The following ARFGEF2 variants were observed in gnomAD, a reference collection of about 807,000 sequenced individuals.
The protein encoded by ARFGEF2 is ARF guanine nucleotide exchange factor 2, also known as brefeldin A-inhibited guanine nucleotide-exchange protein 2.
Under a neutral mutation model 219.9 loss-of-function variants are expected in ARFGEF2, and 74 were observed. The ratio of observed to expected loss-of-function variants is 0.34; its 90% CI spans 0.28 to 0.41. The LOEUF (loss-of-function observed/expected upper bound fraction) is 0.41. Ranked by LOEUF, ARFGEF2 falls within the 10% of genes least tolerant of loss-of-function variation. The pLI is 1.00. For synonymous variants in ARFGEF2, 733 were observed against 799.2 expected (o/e 0.92, Z 1.40); for missense variants, 1,743 against 2,218.3 (o/e 0.79, Z 4.30).
chr20:48,975,761 A>G (rs1324209633), intron 13 of ARFGEF2, among the ~76,000 whole-genome samples: 2 of 143,046 alleles, frequency 1.4e-5, no homozygotes, highest in African/African-American at 5.4e-5. Context: ...AGATCGTGCC[A>G]CTGCACTCCA....
chr20:48,977,928 G>A (rs1298783457), intron 14 of ARFGEF2, among the ~76,000 whole-genome samples: 2 of 152,096 alleles, frequency 1.3e-5, no homozygotes, highest in South Asian at 2.1e-4. Flanking sequence ...TCTGTAGGTT[G>A]CCTGTTCACT....
Position 49,017,237 on chromosome 20 carries a change from T to C in ARFGEF2, c.4316-12T>C, listed in dbSNP as rs573635235. The C allele has an allele frequency of 1.9e-5, 30 of 1,613,718 alleles. 1 individual carries two copies. In the East Asian group the frequency reaches 6.0e-4, roughly 32 times the overall value. On this transcript the variant is annotated splice_polypyrimidine_tract_variant and intron_variant, in intron 31 of 38. Transcript: ENST00000371917. Reference sequence around the variant, plus strand: ...GTAGAAGTTTAATGATAGATACTGCTTTATTTTACAGATAATGAACAGTTG... The same window carrying C: ...GTAGAAGTTTAATGATAGATACTGCCTTATTTTACAGATAATGAACAGTTG...
At chr20:48,996,845 C>T (rs1036208190) in intron 23 of ARFGEF2, among the ~76,000 whole-genome samples, 5 of 146,612 alleles carry the variant, frequency 3.4e-5, no homozygotes, top group Non-Finnish European at 6.0e-5. Context: ...TTTCTCTTTA[C>T]TCAAAACTTG....
At chr20:48,929,701 G>A (rs2090901605) in intron 1 of ARFGEF2, among the ~76,000 whole-genome samples, 1 of 152,214 alleles carries the variant, frequency 6.6e-6, no homozygotes, top group South Asian at 2.1e-4. Context: ...GGGGCAGGAG[G>A]CATTTCAGCA....
chr20:48,944,407 C>T (rs1044310464), intron 3 of ARFGEF2, among the ~76,000 whole-genome samples: 6 of 152,110 alleles, frequency 3.9e-5, no homozygotes, highest in African/African-American at 1.2e-4. Flanking sequence ...GTAGTCCCCT[C>T]GACAGCCCTC....
chr20:48,998,500 A>G lies in ARFGEF2; in HGVS notation c.3427A>G (p.Asn1143Asp), dbSNP rs1280871412. ...ATGGCATGTGATTGGAGATCACTTC[A>G]ATAAGGTAACTCTTCAAATTTAAAA... is the stretch of plus-strand genomic sequence containing the variant. ...RIWHVIGDHF[N>D]KVGCNPNEDV... The change falls in exon 25 of 39, where the codon AAT becomes GAT. Residue 1143 changes from asparagine to aspartate, a missense_variant. By Grantham distance (23) the Asn-to-Asp change is conservative. Around this residue, in one of 5 missense-constraint regions of ARFGEF2, gnomAD observed 102 missense variants for 146.8 expected, o/e 0.69. Transcript: ENST00000371917. The G allele has an allele frequency of 3.7e-6, 6 of 1,613,322 alleles. No homozygotes were observed. Among genetic ancestry groups the G allele is most frequent in the Non-Finnish European group, 5.1e-6 (6 of 1,179,980 alleles).
chr20:48,935,204 A>G (rs1461920464), intron 1 of ARFGEF2, among the ~76,000 whole-genome samples: 2 of 152,184 alleles, frequency 1.3e-5, no homozygotes, highest in African/African-American at 2.4e-5. Context: ...ACAAGTGAAC[A>G]AAGGTCCCTG....
In ARFGEF2 at chr20:49,016,538, A is replaced by G. The variant is rs1440807871; in HGVS notation, c.4315+123A>G. ...TACAATATATAATTTAGTTGGTGAA[A>G]TGTATACGTTTTAATTACAGTATAA... On this transcript the variant is annotated intron_variant, in intron 31 of 38. Transcript: ENST00000371917. 2.7e-6 allele frequency: 3 copies of G among 1,128,762 alleles called. No individual in the cohort carries two copies. The African/African-American group carries it at 4.7e-5, about 18-fold the overall frequency. 69.9% of individuals were successfully genotyped at this position (1,128,762 alleles called of 1,614,324 possible).
At chr20:48,948,496 G>A (rs1304177541) in intron 3 of ARFGEF2, among the ~76,000 whole-genome samples, 1 of 152,170 alleles carries the variant, frequency 6.6e-6, no homozygotes, top group Non-Finnish European at 1.5e-5. Context: ...CTGAGGCAAA[G>A]TAAATAGAAC....
intron 23 of ARFGEF2, 107 bp downstream of exon 23, chr20:48,995,989 T>C (rs1242220625): frequency 9.7e-7 from 1 of 1,025,820 alleles, no homozygotes; most frequent in Non-Finnish European, 1.5e-6. Flanking sequence ...ATACAAGTGT[T>C]GTTAGCTACA....
chr20:48,996,520 C>T (rs1005161560), intron 23 of ARFGEF2, among the ~76,000 whole-genome samples: 1 of 151,662 alleles, frequency 6.6e-6, no homozygotes, highest in African/African-American at 2.4e-5. Flanking sequence ...AGGTGGATCA[C>T]AAGGTCAGGA....
At position 48,988,321 on chromosome 20, in the gene ARFGEF2, G is replaced by A. The variant is rs752544916; in HGVS notation, c.2294G>A (p.Ser765Asn). Residue 765 changes from serine (S) to asparagine (N), a missense_variant, in exon 17 of 39, where the codon AGT becomes AAT. Transcript: ENST00000371917. ...ECNQGQTLFA[S>N]ADTAYVLAYS... ...TTCTCCAGGCAAACTCTGTTTGCTA[G>A]TGCTGACACTGCTTATGTCCTAGCG... 6.2e-7 allele frequency: 1 copy of A among 1,613,518 alleles called. No homozygotes were observed. The highest frequency in any genetic ancestry group is 8.5e-7 in the Non-Finnish European group (1 of 1,179,980).
intron 3 of ARFGEF2, among the ~76,000 whole-genome samples, chr20:48,950,809 AAAATATATATATATATATATAT>A (rs1343058686): frequency 2.9e-4 from 12 of 41,164 alleles, no homozygotes; most frequent in Non-Finnish European, 4.9e-4. Flanking sequence ...AAAAAAAAAA[AAAATATATATATATATATATAT>A]ATATATATAT....
intron 23 of ARFGEF2, among the ~76,000 whole-genome samples, chr20:48,996,943 A>T (rs1293203930): frequency 6.6e-6 from 1 of 151,726 alleles, no homozygotes; most frequent in Non-Finnish European, 1.5e-5. Flanking sequence ...TCCTTCCCCC[A>T]TTCCTTAGTC....
chr20:49,033,017 C>G lies in ARFGEF2; in HGVS notation c.5182-6C>G. Reference sequence around the variant, plus strand: ...CTAATTTTATCTGTTTCTCTCCCACCTCAAGTTCAAAGCACATGCTTCAAT... The same window carrying G: ...CTAATTTTATCTGTTTCTCTCCCACGTCAAGTTCAAAGCACATGCTTCAAT... On this transcript the variant is annotated splice_polypyrimidine_tract_variant and splice_region_variant and intron_variant, in intron 38 of 38. Transcript: ENST00000371917. 6.5e-5 allele frequency: 105 copies of G among 1,614,096 alleles called. No homozygotes were observed. The highest frequency in any genetic ancestry group is 8.6e-5 in the Non-Finnish European group (102 of 1,179,992).
Position 48,963,994 on chromosome 20 carries a change from C to T in ARFGEF2, c.907+96C>T, listed in dbSNP as rs1022972657. On this transcript the variant is annotated intron_variant, in intron 7 of 38. Transcript: ENST00000371917. ...AGTGGTGGAGTTTCCTCTTCCCTGC[C>T]CTAAGAACTGGTGGAGCTCATGGAA... 9.1e-5 allele frequency: 101 copies of T among 1,111,750 alleles called. 1 individual carries two copies. The highest frequency in any genetic ancestry group is 1.3e-4 in the Non-Finnish European group (98 of 748,118). The allele number at this position is 1,111,750 out of a possible 1,614,324, so 68.9% of individuals were successfully genotyped here. A position where few individuals can be genotyped will look rare whatever the true frequency, so the allele number is the denominator to read the frequency against.
chr20:48,995,853 C>T lies in ARFGEF2; in HGVS notation c.3192C>T (p.Ser1064=). 6.2e-7 allele frequency: 1 copy of T among 1,614,172 alleles called. No individual in the cohort carries two copies. The highest frequency in any genetic ancestry group is 8.5e-7 in the Non-Finnish European group (1 of 1,180,016). Residue 1064 remains serine, a synonymous_variant, in exon 23 of 39, where the codon AGC becomes AGT. Transcript: ENST00000371917. ...TCCAAGAATCGGTTGGTGAGACCAG[C>T]TCGCAGAGTGTGGTTGTAGCTGTGG... is the stretch of plus-strand genomic sequence containing the variant. ...ASFQESVGET[S]SQSVVVAVDR...
chr20:49,015,028 A>G (rs1199211227), intron 30 of ARFGEF2, among the ~76,000 whole-genome samples: 2 of 152,230 alleles, frequency 1.3e-5, no homozygotes, highest in East Asian at 1.9e-4. Context: ...CAACACACGT[A>G]TATAAACTAC....
intron 1 of ARFGEF2, among the ~76,000 whole-genome samples, chr20:48,937,220 T>A (rs1189659996): frequency 6.6e-6 from 1 of 152,204 alleles, no homozygotes; most frequent in Non-Finnish European, 1.5e-5. Context: ...GTTTCCCTGC[T>A]TCTGTCCTGG....
Sources: gnomAD v4.1 joint callset for allele counts (sites outside exome capture counted in the v4.1 genomes callset) on GRCh38, gnomAD v4.1.1 for gene constraint, gnomAD v4.1.1 regional missense constraint, MANE v1.5 for transcripts, NCBI Gene and HGNC (gene_info 2026-07-23, HGNC 2026-07-21) for gene names.